Variants in NFX1 observed in about 807,000 individuals in gnomAD.
The protein encoded by NFX1 is nuclear transcription factor, X-box binding 1.
Under a neutral mutation model 137.2 loss-of-function variants are expected in NFX1, and 69 were observed. The ratio of observed to expected loss-of-function variants is 0.50; its 90% CI spans 0.41 to 0.61. The LOEUF (loss-of-function observed/expected upper bound fraction) is 0.61. Ranked by LOEUF, NFX1 falls within the 20% of genes least tolerant of loss-of-function variation. The pLI is 0.00. For missense variants in NFX1, 1,167 were observed against 1,391.0 expected (o/e 0.84, Z 2.56); for synonymous variants, 495 against 474.1 (o/e 1.04, Z -0.57).
intron 6 of NFX1, among the ~76,000 whole-genome samples, chr9:33,312,946 A>G (rs1369019754): frequency 6.6e-6 from 1 of 152,224 alleles, no homozygotes; most frequent in Non-Finnish European, 1.5e-5. Context: ...GAACAAAACT[A>G]GAATTAGCTT....
chr9:33,297,645 A>T (rs563236122), intron 2 of NFX1, among the ~76,000 whole-genome samples: 3 of 152,222 alleles, frequency 2.0e-5, no homozygotes, highest in African/African-American at 7.2e-5. Context: ...TCAGTTCCTT[A>T]CAGATGTAGG....
At chr9:33,364,980 A>G in intron 21 of NFX1, 1 of 1,381,922 alleles carries the variant, frequency 7.2e-7, no homozygotes, top group Non-Finnish European at 9.4e-7. Flanking sequence ...ACTGCAGAAA[A>G]GATCTACAGT....
chr9:33,296,979 CATA>C (rs1564099905), intron 2 of NFX1, among the ~76,000 whole-genome samples: 1 of 152,170 alleles, frequency 6.6e-6, no homozygotes, highest in Non-Finnish European at 1.5e-5. Flanking sequence ...GCTCTTGAAA[CATA>C]GTAGGTACTC....
At position 33,370,687 on chromosome 9, in the gene NFX1, A is replaced by C. The variant is rs143548972; in HGVS notation, c.*709A>C. On this transcript the variant is annotated 3_prime_UTR_variant, in exon 24 of 24. Coordinates refer to ENST00000379540, the MANE Select transcript of NFX1 (RefSeq NM_002504.6). Reference sequence around the variant, plus strand: ...CACATCACTGAACCTGTTCAGTAACAATCAGTTTGGCCGTCCCCCATGATG... The same window carrying C: ...CACATCACTGAACCTGTTCAGTAACCATCAGTTTGGCCGTCCCCCATGATG... 1.6e-3 allele frequency: 243 copies of C among 152,364 alleles called. 1 individual carries two copies. The highest frequency in any genetic ancestry group is 2.6e-3 in the Non-Finnish European group (177 of 68,074). 9.4% of individuals were successfully genotyped at this position (152,364 alleles called of 1,614,324 possible). A position where few individuals can be genotyped will look rare whatever the true frequency, so the allele number is the denominator to read the frequency against.
At chr9:33,307,663 TC>T (rs1821800072) in intron 5 of NFX1, among the ~76,000 whole-genome samples, 1 of 152,214 alleles carries the variant, frequency 6.6e-6, no homozygotes, top group Non-Finnish European at 1.5e-5. Context: ...ATATGTTTTA[TC>T]CCGCATTGAT....
chr9:33,323,065 C>A (rs887874840), intron 9 of NFX1, among the ~76,000 whole-genome samples: 1 of 152,106 alleles, frequency 6.6e-6, no homozygotes, highest in Admixed American at 6.5e-5. Context: ...TGAGACTGAG[C>A]GTAATCCAAA....
intron 14 of NFX1, among the ~76,000 whole-genome samples, chr9:33,344,902 C>A (rs908327992): frequency 2.0e-5 from 3 of 152,052 alleles, no homozygotes; most frequent in Admixed American, 2.0e-4. Flanking sequence ...TGGCTCATGC[C>A]TGTAATCCTA....
At chr9:33,307,330 G>C in intron 5 of NFX1, 31 bp downstream of exon 5, 1 of 1,573,878 alleles carries the variant, frequency 6.4e-7, no homozygotes, top group Non-Finnish European at 8.7e-7. Context: ...CGTTGGGATT[G>C]CTGGTGGACA....
At chr9:33,354,336 T>C (rs1823743333) in intron 18 of NFX1, 149 bp downstream of exon 18, 2 of 687,568 alleles carry the variant, frequency 2.9e-6, no homozygotes, top group South Asian at 2.0e-5. Flanking sequence ...AGACATCTGC[T>C]CCATCCCCAA....
At chr9:33,334,802 G>A (rs1822939037) in intron 11 of NFX1, among the ~76,000 whole-genome samples, 1 of 152,086 alleles carries the variant, frequency 6.6e-6, no homozygotes, top group Non-Finnish European at 1.5e-5. Flanking sequence ...GACCCTTTTG[G>A]TGGTCATTTA....
chr9:33,363,197 C>T (rs1220449266), intron 19 of NFX1, among the ~76,000 whole-genome samples: 2 of 151,354 alleles, frequency 1.3e-5, no homozygotes. Flanking sequence ...GAGACATCAA[C>T]ATCAAACTGC....
intron 7 of NFX1, among the ~76,000 whole-genome samples, chr9:33,315,384 A>G (rs1269622169): frequency 6.6e-6 from 1 of 151,958 alleles, no homozygotes; most frequent in South Asian, 2.1e-4. Context: ...TCATGATACA[A>G]CTCTAATCGT....
intron 19 of NFX1, among the ~76,000 whole-genome samples, chr9:33,360,030 A>G (rs1466017693): frequency 6.6e-6 from 1 of 152,232 alleles, no homozygotes; most frequent in African/African-American, 2.4e-5. Context: ...TTTGACCCTT[A>G]TAATAACTTT....
chr9:33,290,875 C>T (rs951874723), intron 1 of NFX1, among the ~76,000 whole-genome samples: 2 of 152,244 alleles, frequency 1.3e-5, no homozygotes, highest in Non-Finnish European at 2.9e-5. Flanking sequence ...CAGGCTGTTT[C>T]TGGGGCAGCG....
chr9:33,328,791 T>C (rs576954551), intron 10 of NFX1, 113 bp downstream of exon 10: 2 of 831,760 alleles, frequency 2.4e-6, no homozygotes, highest in African/African-American at 3.4e-5. Flanking sequence ...GAAGTGGTTG[T>C]GGCACTCAAG....
At position 33,335,412 on chromosome 9, in the gene NFX1, T is replaced by C. The variant is rs193063836; in HGVS notation, c.2035+2910T>C. On this transcript the variant is annotated intron_variant, in intron 11 of 23. Transcript: ENST00000379540. ...TGCCTGGCTAATTTTTTTGTATTTTTAGTAGAGACGGGGTTTCACCATGTT... is the reference window on the plus strand; with the variant it reads ...TGCCTGGCTAATTTTTTTGTATTTTCAGTAGAGACGGGGTTTCACCATGTT... Among the ~76,000 whole-genome samples the C allele has an allele frequency of 3.9e-5, 6 of 152,144 alleles. No individual in the cohort carries two copies. In the East Asian group the frequency reaches 1.2e-3, roughly 29 times the overall value.
intron 19 of NFX1, among the ~76,000 whole-genome samples, chr9:33,361,778 C>T (rs1823998994): frequency 6.7e-6 from 1 of 148,156 alleles, no homozygotes; most frequent in South Asian, 2.2e-4. Flanking sequence ...GCGACAAGAG[C>T]AAGACTCCAT....
At chr9:33,364,558 A>G in intron 20 of NFX1, 150 bp from the exon 21 acceptor site, 1 of 904,102 alleles carries the variant, frequency 1.1e-6, no homozygotes, top group East Asian at 2.8e-5. Context: ...TTCTTCCGTC[A>G]GTCATCCTTC....
chr9:33,328,537 GT>G, intron 9 of NFX1, 43 bp from the exon 10 acceptor site: 1 of 1,438,448 alleles, frequency 7.0e-7, no homozygotes, highest in Non-Finnish European at 9.8e-7. Context: ...ATGAAAATGA[GT>G]AGTTGCAGTT....
Sources: allele counts gnomAD v4.1 joint callset (sites outside exome capture counted in the v4.1 genomes callset), GRCh38; gene constraint gnomAD v4.1.1; transcripts MANE v1.5; gene names NCBI Gene and HGNC (gene_info 2026-07-23, HGNC 2026-07-21).